Variants in ABCC1 observed in about 807,000 individuals in gnomAD.
The protein encoded by ABCC1 is ATP binding cassette subfamily C member 1 (ABCC1 blood group).
ABCC1 carries 83 observed loss-of-function variants against 172.9 expected under a neutral mutation model. That is an observed-to-expected ratio of 0.48 (90% confidence interval 0.40 to 0.58). The LOEUF (loss-of-function observed/expected upper bound fraction) is 0.58. Ranked by LOEUF, ABCC1 falls within the 20% of genes least tolerant of loss-of-function variation. The pLI is 0.00. For synonymous variants in ABCC1, 937 were observed against 825.2 expected (o/e 1.14, Z -2.32); for missense variants, 1,817 against 2,002.7 (o/e 0.91, Z 1.77).
At chr16:16,073,914 C>T (rs974570088) in intron 14 of ABCC1, among the ~76,000 whole-genome samples, 5 of 152,220 alleles carry the variant, frequency 3.3e-5, no homozygotes, top group Non-Finnish European at 5.9e-5. Context: ...ACCGCGTGAG[C>T]TGTGTCTGGC....
At chr16:16,139,521 A>G (rs148610057) in intron 30 of ABCC1, among the ~76,000 whole-genome samples, 1,993 of 140,556 alleles carry the variant, frequency 0.014, 24 homozygotes, top group Non-Finnish European at 0.019. Flanking sequence ...CTGAGGAAGG[A>G]GAATTGCTTG....
intron 16 of ABCC1, among the ~76,000 whole-genome samples, chr16:16,080,071 C>A (rs1156468019): frequency 6.6e-6 from 1 of 152,096 alleles, no homozygotes; most frequent in Non-Finnish European, 1.5e-5. Flanking sequence ...CCTCTGTCTC[C>A]CAAAGTGCTG....
intron 1 of ABCC1, among the ~76,000 whole-genome samples, chr16:15,972,310 C>T (rs557494181): frequency 6.6e-6 from 1 of 152,278 alleles, no homozygotes; most frequent in African/African-American, 2.4e-5. Flanking sequence ...AGGATTGCAT[C>T]TGGCTTCAAG....
intron 26 of ABCC1, among the ~76,000 whole-genome samples, chr16:16,130,112 C>T (rs188261544): frequency 2.2e-4 from 34 of 152,312 alleles, no homozygotes; most frequent in African/African-American, 6.7e-4. Context: ...GGCAAGTTAC[C>T]GCCCCTCTCT....
At chr16:16,111,813 C>T (rs1434283796) in intron 22 of ABCC1, among the ~76,000 whole-genome samples, 1 of 152,154 alleles carries the variant, frequency 6.6e-6, no homozygotes, top group East Asian at 1.9e-4. Flanking sequence ...TCCAGTGTGC[C>T]CATTTTACAG....
Position 16,090,469 on chromosome 16 carries a change from G to A in ABCC1, c.2525G>A (p.Ser842Asn), listed in dbSNP as rs770514383. Residue 842 changes from serine to asparagine, a missense_variant, in exon 19 of 31, where the codon AGT becomes AAT. This residue lies in a region of ABCC1 where 1,412 missense variants were observed against 1,600.3 expected (regional missense o/e 0.88). Coordinates refer to ENST00000399410, the MANE Select transcript of ABCC1 (RefSeq NM_004996.4). The stretch of plus-strand genomic sequence containing the variant: ...CAGGTGGACGTCATCATCGTCATGA[G>A]TGGCGGCAAGATCTCTGAGATGGGC... ...LPQVDVIIVM[S>N]GGKISEMGSY... The A allele has an allele frequency of 1.4e-5, 22 of 1,613,768 alleles. No homozygotes were observed. The highest frequency in any genetic ancestry group is 1.8e-5 in the Non-Finnish European group (21 of 1,179,976).
intron 1 of ABCC1, among the ~76,000 whole-genome samples, chr16:15,953,826 A>G (rs1484696448): frequency 6.6e-6 from 1 of 152,112 alleles, no homozygotes; most frequent in Non-Finnish European, 1.5e-5. Flanking sequence ...AGAAGCTATT[A>G]GGAATTCCTC....
chr16:16,079,290 T>C (rs1006002208), intron 15 of ABCC1, 62 bp from the exon 16 acceptor site: 6 of 1,592,614 alleles, frequency 3.8e-6, no homozygotes, highest in East Asian at 2.2e-5. Flanking sequence ...TCGGTGGCCA[T>C]GGGCATTAGC....
intron 1 of ABCC1, among the ~76,000 whole-genome samples, chr16:15,990,609 A>G (rs890150797): frequency 2.6e-5 from 4 of 151,890 alleles, no homozygotes; most frequent in African/African-American, 9.7e-5. Flanking sequence ...CATTTAGCAT[A>G]ATGTTCTCCA....
intron 1 of ABCC1, among the ~76,000 whole-genome samples, chr16:15,966,555 C>T (rs1024955454): frequency 2.0e-5 from 3 of 151,942 alleles, no homozygotes; most frequent in African/African-American, 7.3e-5. Flanking sequence ...TATCTGCGAG[C>T]CCTTTGATAA....
At chr16:16,028,360 C>G (rs2048446875) in intron 5 of ABCC1, among the ~76,000 whole-genome samples, 1 of 152,116 alleles carries the variant, frequency 6.6e-6, no homozygotes, top group Non-Finnish European at 1.5e-5. Context: ...GTTTGCAGCT[C>G]CGTCCGCGGC....
At chr16:16,004,386 T>A (rs1597101050) in intron 1 of ABCC1, among the ~76,000 whole-genome samples, 1 of 152,352 alleles carries the variant, frequency 6.6e-6, no homozygotes, top group Admixed American at 6.5e-5. Context: ...GAGCTTTTAC[T>A]GGCAACTGCT....
rs571218126 is a variant in ABCC1 at position 15,951,637 on chromosome 16, T to C, written c.48+1838T>C. Among the ~76,000 whole-genome samples the C allele has an allele frequency of 6.2e-4, 95 of 152,224 alleles. 1 individual carries two copies. In the South Asian group the frequency reaches 6.4e-3, roughly 10 times the overall value. On this transcript the variant is annotated intron_variant, in intron 1 of 30. Transcript: ENST00000399410. ...GGGCCTGAGTGGGAAAATTGAAATATAATTAACTGAAAGCTAGAAAGTAGG... is the reference window on the plus strand; with the variant it reads ...GGGCCTGAGTGGGAAAATTGAAATACAATTAACTGAAAGCTAGAAAGTAGG...
chr16:16,028,367 C>T (rs796577798), intron 5 of ABCC1, among the ~76,000 whole-genome samples: 5 of 152,114 alleles, frequency 3.3e-5, no homozygotes, highest in African/African-American at 7.2e-5. Flanking sequence ...GCTCCGTCCG[C>T]GGCACTTCAC....
At chr16:16,078,097 T>A (rs903640044) in intron 15 of ABCC1, among the ~76,000 whole-genome samples, 1 of 152,162 alleles carries the variant, frequency 6.6e-6, no homozygotes, top group Non-Finnish European at 1.5e-5. Flanking sequence ...GGCACAGGTT[T>A]CAGTGAGCCA....
intron 21 of ABCC1, among the ~76,000 whole-genome samples, chr16:16,107,897 A>G (rs1382743524): frequency 3.3e-5 from 5 of 151,846 alleles, no homozygotes; most frequent in Non-Finnish European, 7.4e-5. Context: ...AAACAAAAAA[A>G]AAAACATGAA....
At chr16:16,021,939 C>A (rs996566838) in intron 5 of ABCC1, among the ~76,000 whole-genome samples, 4 of 152,146 alleles carry the variant, frequency 2.6e-5, no homozygotes, top group African/African-American at 7.2e-5. Flanking sequence ...TCTCTCTGTC[C>A]CAGACCTGAG....
chr16:15,962,306 T>C (rs1436170861), intron 1 of ABCC1, among the ~76,000 whole-genome samples: 1 of 152,232 alleles, frequency 6.6e-6, no homozygotes, highest in African/African-American at 2.4e-5. Context: ...AAATCAATAA[T>C]TTAACAATGT....
chr16:15,983,822 C>G (rs2046684917), intron 1 of ABCC1, among the ~76,000 whole-genome samples: 1 of 152,066 alleles, frequency 6.6e-6, no homozygotes, highest in South Asian at 2.1e-4. Context: ...TCCCAAAGTA[C>G]TGGGATTACA....
Sources: gnomAD v4.1 joint callset for allele counts (sites outside exome capture counted in the v4.1 genomes callset) on GRCh38, gnomAD v4.1.1 for gene constraint, gnomAD v4.1.1 regional missense constraint, MANE v1.5 for transcripts, NCBI Gene and HGNC (gene_info 2026-07-23, HGNC 2026-07-21) for gene names.